Variants in TENM2 observed in about 807,000 individuals in gnomAD.
TENM2 encodes teneurin transmembrane protein 2.
TENM2 carries 52 observed loss-of-function variants against 245.2 expected under a neutral mutation model. That is an observed-to-expected ratio of 0.21 (90% CI 0.17 to 0.27). The LOEUF (loss-of-function observed/expected upper bound fraction) is 0.27. Among genes scored for constraint, TENM2 ranks in the 10% least tolerant of loss-of-function variants. The pLI is 1.00. For missense variants in TENM2, 3,046 were observed against 3,666.8 expected (o/e 0.83, Z 4.37); for synonymous variants, 1,363 against 1,438.9 (o/e 0.95, Z 1.19).
At chr5:168,101,538 C>T (rs994293446) in intron 9 of TENM2, among the ~76,000 whole-genome samples, 1 of 152,040 alleles carries the variant, frequency 6.6e-6, no homozygotes, top group African/African-American at 2.4e-5. Context: ...GTGTGTTTTG[C>T]ATTCACCACC....
chr5:167,480,906 A>G (rs1193909311), intron 2 of TENM2, among the ~76,000 whole-genome samples: 1 of 152,192 alleles, frequency 6.6e-6, no homozygotes. Context: ...TTAAAAGGTT[A>G]ATATAAGAAG....
intron 12 of TENM2, among the ~76,000 whole-genome samples, chr5:168,153,330 C>A (rs561276781): frequency 6.6e-6 from 1 of 152,258 alleles, no homozygotes; most frequent in East Asian, 1.9e-4. Flanking sequence ...TTTGAAAGTG[C>A]GGCCCAGTTA....
At chr5:167,663,907 C>G (rs780574619) in intron 2 of TENM2, among the ~76,000 whole-genome samples, 2 of 152,056 alleles carry the variant, frequency 1.3e-5, no homozygotes, top group African/African-American at 2.4e-5. Context: ...GTGTCTTGCT[C>G]CTTGCTCAAT....
At chr5:168,225,344 G>A (rs73385790) in intron 23 of TENM2, among the ~76,000 whole-genome samples, 5 of 152,162 alleles carry the variant, frequency 3.3e-5, no homozygotes, top group South Asian at 2.1e-4. Context: ...TCTCAAATGC[G>A]AGATTTTTAT....
chr5:167,079,550 C>T, the TENM2 span, among the ~76,000 whole-genome samples: 10 of 151,076 alleles, frequency 6.6e-5, no homozygotes, highest in Admixed American at 2.0e-4. Context: ...CGACCTCAGG[C>T]GATCCACCCA....
the TENM2 span, among the ~76,000 whole-genome samples, chr5:167,248,566 A>G: frequency 6.6e-6 from 1 of 152,136 alleles, no homozygotes. Context: ...GCAGCTGAAC[A>G]TCCCCCGGGG....
intron 3 of TENM2, chr5:167,935,024 C>T (rs546785899): frequency 4.3e-5 from 26 of 598,966 alleles, no homozygotes; most frequent in Middle Eastern, 8.4e-4. Context: ...CTCATGAGTG[C>T]GAGCGGGAAA....
the TENM2 span, among the ~76,000 whole-genome samples, chr5:167,051,220 G>GA: frequency 0.098 from 13,622 of 138,598 alleles, 724 homozygotes; most frequent in Non-Finnish European, 0.12. Flanking sequence ...AGGGGTGAAA[G>GA]AAAAAAAAAA....
chr5:167,375,153 G>T, intron 1 of TENM2, 45 bp from the exon 4 acceptor site: 1 of 1,529,926 alleles, frequency 6.5e-7, no homozygotes, highest in Non-Finnish European at 8.8e-7. Flanking sequence ...ACTTTGTAAA[G>T]CATCTCACAA....
intron 13 of TENM2, among the ~76,000 whole-genome samples, chr5:168,189,338 T>A (rs1760746849): frequency 6.6e-6 from 1 of 152,140 alleles, no homozygotes; most frequent in African/African-American, 2.4e-5. Context: ...AAAGGATGAG[T>A]CAGTCCTGTC....
At chr5:167,450,145 C>T (rs1765487912) in intron 2 of TENM2, among the ~76,000 whole-genome samples, 1 of 152,050 alleles carries the variant, frequency 6.6e-6, no homozygotes, top group Non-Finnish European at 1.5e-5. Context: ...AATATTATCT[C>T]TCTTCTTTTT....
At chr5:168,229,526 T>C (rs570832473) in intron 25 of TENM2, 2 of 122,008 alleles carry the variant, frequency 1.6e-5, no homozygotes, top group East Asian at 5.4e-4. Flanking sequence ...AAGTAAAAAC[T>C]AATAAATAAA....
chr5:167,155,165 C>T, the TENM2 span, among the ~76,000 whole-genome samples: 3 of 152,152 alleles, frequency 2.0e-5, no homozygotes, highest in Non-Finnish European at 4.4e-5. Context: ...TGTCATAAGG[C>T]GCAGTGTAGA....
intron 8 of TENM2, among the ~76,000 whole-genome samples, chr5:168,094,785 C>T (rs1333839391): frequency 2.6e-5 from 4 of 151,936 alleles, no homozygotes; most frequent in African/African-American, 7.3e-5. Flanking sequence ...GGAACTGGGC[C>T]GCAGAGCAAG....
chr5:167,566,540 T>C (rs890414138), intron 2 of TENM2, among the ~76,000 whole-genome samples: 6 of 152,174 alleles, frequency 3.9e-5, no homozygotes, highest in African/African-American at 1.4e-4. Context: ...GGTAAGAGCA[T>C]TGAAGAAACT....
At chr5:167,949,195 G>A (rs562808742) in intron 3 of TENM2, among the ~76,000 whole-genome samples, 13 of 152,242 alleles carry the variant, frequency 8.5e-5, no homozygotes, top group South Asian at 4.2e-4. Context: ...AACAGGGATC[G>A]CTAGGGTTGA....
intron 2 of TENM2, among the ~76,000 whole-genome samples, chr5:167,582,761 AT>A (rs559599913): frequency 3.4e-4 from 51 of 151,610 alleles, no homozygotes; most frequent in African/African-American, 9.4e-4. Context: ...TTTTTTGAGG[AT>A]TTTTTTTTAA....
At chr5:167,497,116 G>A (rs1327958818) in intron 2 of TENM2, among the ~76,000 whole-genome samples, 4 of 151,924 alleles carry the variant, frequency 2.6e-5, no homozygotes, top group Non-Finnish European at 5.9e-5. Flanking sequence ...TAAAAGATCA[G>A]AGTGACTAAG....
chr5:167,174,943 A>G, the TENM2 span, among the ~76,000 whole-genome samples: 3 of 151,682 alleles, frequency 2.0e-5, no homozygotes, highest in African/African-American at 7.3e-5. Flanking sequence ...GTGTCTGGCT[A>G]ATTTCGCTTA....
Sources: gnomAD v4.1 joint callset for allele counts (sites outside exome capture counted in the v4.1 genomes callset) on GRCh38, gnomAD v4.1.1 for gene constraint, MANE v1.5 for transcripts, NCBI Gene and HGNC (gene_info 2026-07-23, HGNC 2026-07-21) for gene names.